BCAS3: variants seen among roughly 807,000 people sequenced by gnomAD.
The protein encoded by BCAS3 is BCAS4/BCAS3 fusion.
BCAS3 carries 53 observed loss-of-function variants against 116.1 expected under a neutral mutation model. That is an observed-to-expected ratio of 0.46 (90% CI 0.37 to 0.57). BCAS3 has a LOEUF of 0.57. Ranked by LOEUF, BCAS3 falls within the 20% of genes least tolerant of loss-of-function variation. BCAS3 has a pLI of 0.00. For missense variants in BCAS3, 917 were observed against 1,165.4 expected, an observed-to-expected ratio of 0.79 and a Z score of 3.10; for synonymous variants, 391 against 408.2, an observed-to-expected ratio of 0.96 and a Z score of 0.51.
intron 6 of BCAS3, among the ~76,000 whole-genome samples, chr17:60,771,883 G>A (rs1220387587): frequency 1.2e-4 from 19 of 152,144 alleles, no homozygotes; most frequent in Admixed American, 8.5e-4. Context: ...AAGGACATGA[G>A]CTCATCCTTT....
At chr17:60,982,570 G>A (rs1172743585) in intron 14 of BCAS3, among the ~76,000 whole-genome samples, 1 of 152,108 alleles carries the variant, frequency 6.6e-6, no homozygotes, top group African/African-American at 2.4e-5. Context: ...CTTAAGGGAA[G>A]ACTTTCTTTA....
At chr17:60,758,493 G>A (rs1479954150) in intron 6 of BCAS3, among the ~76,000 whole-genome samples, 1 of 152,052 alleles carries the variant, frequency 6.6e-6, no homozygotes, top group East Asian at 1.9e-4. Context: ...CAGTTCTTCT[G>A]CCTCAGCCTC....
chr17:61,230,092 T>C (rs2082581787), intron 22 of BCAS3, among the ~76,000 whole-genome samples: 1 of 151,866 alleles, frequency 6.6e-6, no homozygotes, highest in Admixed American at 6.6e-5. Flanking sequence ...GCCACTGCAC[T>C]CCAGCCTGGG....
At chr17:61,121,076 G>A (rs779344681) in intron 22 of BCAS3, among the ~76,000 whole-genome samples, 1 of 151,654 alleles carries the variant, frequency 6.6e-6, no homozygotes, top group Non-Finnish European at 1.5e-5. Context: ...TTATATTTTA[G>A]CAAAAATATT....
In BCAS3 at chr17:61,214,368, A is replaced by AAAATAAATAAAT. The variant is rs35597487; in HGVS notation, c.2425+129822_2425+129833dup. 1.2e-3 allele frequency among the ~76,000 whole-genome samples: 182 copies of AAAATAAATAAAT among 150,176 alleles called. No homozygotes were observed. Among genetic ancestry groups the AAAATAAATAAAT allele is most frequent in the African/African-American group, 3.7e-3 (147 of 40,088 alleles). ...GGCCACAGAGCAAGACCCTATCTCA[A>AAAATAAATAAAT]AAATAAATAAATAAATAAATAAATA... On this transcript the variant is annotated intron_variant, in intron 22 of 23. Transcript: ENST00000407086. The surrounding 1 kb of genome is among the most constrained non-coding windows in gnomAD (Gnocchi z 4.4).
At chr17:61,127,797 T>G (rs2076123554) in intron 22 of BCAS3, among the ~76,000 whole-genome samples, 2 of 150,516 alleles carry the variant, frequency 1.3e-5, no homozygotes, top group South Asian at 2.1e-4. Flanking sequence ...TTTCTGTTTT[T>G]GGGGGAGTGG....
intron 22 of BCAS3, among the ~76,000 whole-genome samples, chr17:61,152,814 T>C (rs1233712795): frequency 6.6e-6 from 1 of 152,156 alleles, no homozygotes; most frequent in Non-Finnish European, 1.5e-5. Context: ...CACAAATCAG[T>C]GAAAGATGTG....
At chr17:60,928,419 T>C (rs1261639056) in intron 13 of BCAS3, among the ~76,000 whole-genome samples, 1 of 152,222 alleles carries the variant, frequency 6.6e-6, no homozygotes, top group Non-Finnish European at 1.5e-5. Flanking sequence ...TATAGTGGAC[T>C]CATTAGTTTG....
Position 61,256,232 on chromosome 17 carries a change from G to T in BCAS3, c.2426-112095G>T, listed in dbSNP as rs2048762987. On this transcript the variant is annotated intron_variant, in intron 22 of 23. Coordinates refer to ENST00000407086, the MANE Select transcript of BCAS3 (RefSeq NM_017679.5). This position sits in a 1 kb window ranked among gnomAD's most constrained non-coding sequence, Gnocchi z 5.6. ...GGGTTGTCAAGCCTTCCATCTTCAA[G>T]CCAAGAGGTAGTTTGGTTTTTGTTT... 6.6e-6 allele frequency among the ~76,000 whole-genome samples: 1 copy of T among 151,960 alleles called. No homozygotes were observed. Among genetic ancestry groups the T allele is most frequent in the Non-Finnish European group, 1.5e-5 (1 of 67,984 alleles).
intron 13 of BCAS3, among the ~76,000 whole-genome samples, chr17:60,930,719 A>G (rs2059601895): frequency 6.6e-6 from 1 of 152,114 alleles, no homozygotes; most frequent in Non-Finnish European, 1.5e-5. Context: ...CAGCCTCCCA[A>G]AGTGTTGGGA....
chr17:60,684,171 G>A, intron 3 of BCAS3, 135 bp downstream of exon 3: 1 of 733,736 alleles, frequency 1.4e-6, no homozygotes, highest in Non-Finnish European at 2.3e-6. Flanking sequence ...CATTCGTAGG[G>A]TGGGACTACA....
chr17:61,351,165 T>C (rs1156661890), intron 22 of BCAS3, among the ~76,000 whole-genome samples: 2 of 152,224 alleles, frequency 1.3e-5, no homozygotes, highest in African/African-American at 2.4e-5. Context: ...CTTAGATATC[T>C]TTGAGACATC....
At chr17:60,965,981 A>G (rs1338640315) in intron 14 of BCAS3, among the ~76,000 whole-genome samples, 1 of 152,138 alleles carries the variant, frequency 6.6e-6, no homozygotes, top group African/African-American at 2.4e-5. Context: ...TTTTAGATCT[A>G]TTAATATTTT....
Position 61,032,176 on chromosome 17 carries a change from G to A in BCAS3, c.1638-2490G>A, listed in dbSNP as rs2066693416. Among the ~76,000 whole-genome samples the A allele has an allele frequency of 6.6e-6, 1 of 152,062 alleles. No individual in the cohort carries two copies. Among genetic ancestry groups the A allele is most frequent in the African/African-American group, 2.4e-5 (1 of 41,396 alleles). On this transcript the variant is annotated intron_variant, in intron 16 of 23. Transcript: ENST00000407086. The surrounding 1 kb of genome is among the most constrained non-coding windows in gnomAD (Gnocchi z 4.6). The stretch of plus-strand genomic sequence containing the variant: ...CTGTTTAGGATGCATACTTCAGAGG[G>A]ACCATATTTTCTCTTAAGAAGAGGC...
intron 6 of BCAS3, among the ~76,000 whole-genome samples, chr17:60,807,553 G>A (rs962114403): frequency 6.6e-5 from 10 of 152,042 alleles, no homozygotes; most frequent in Admixed American, 6.6e-4. Context: ...AGGTTGAGGC[G>A]GGTGGATCAC....
At chr17:60,893,463 A>G (rs2057308460) in intron 10 of BCAS3, among the ~76,000 whole-genome samples, 1 of 152,058 alleles carries the variant, frequency 6.6e-6, no homozygotes, top group Non-Finnish European at 1.5e-5. Flanking sequence ...ATGACTAGCC[A>G]ATTTTCCCAG....
rs1054340814 is a variant in BCAS3 at position 61,244,578 on chromosome 17, T to A, written c.2426-123749T>A. ...AGTCTATATTTTTAAAAATTGGATATATAGGCCCGGCGCGGTGGCTCATGC... is the reference window on the plus strand; with the variant it reads ...AGTCTATATTTTTAAAAATTGGATAAATAGGCCCGGCGCGGTGGCTCATGC... On this transcript the variant is annotated intron_variant, in intron 22 of 23. Coordinates refer to ENST00000407086, the MANE Select transcript of BCAS3 (RefSeq NM_017679.5). This position sits in a 1 kb window ranked among gnomAD's most constrained non-coding sequence, Gnocchi z 4.9. Among the ~76,000 whole-genome samples the A allele has an allele frequency of 6.6e-6, 1 of 152,224 alleles. No homozygotes were observed. Among genetic ancestry groups the A allele is most frequent in the African/African-American group, 2.4e-5 (1 of 41,472 alleles).
At chr17:60,974,983 T>G (rs2062210101) in intron 14 of BCAS3, among the ~76,000 whole-genome samples, 6 of 137,798 alleles carry the variant, frequency 4.4e-5, no homozygotes, top group African/African-American at 1.4e-4. Context: ...GTTTTTTTTG[T>G]TTTTTTTGCT....
intron 22 of BCAS3, among the ~76,000 whole-genome samples, chr17:61,345,752 G>A (rs563566456): frequency 1.3e-5 from 2 of 152,112 alleles, no homozygotes; most frequent in Non-Finnish European, 2.9e-5. Context: ...CCCCAAACAC[G>A]GGGATGGGCA....
Sources: gnomAD v4.1 joint callset for allele counts (sites outside exome capture counted in the v4.1 genomes callset) on GRCh38, gnomAD v4.1.1 for gene constraint, Gnocchi (gnomAD v3.1) non-coding constraint, MANE v1.5 for transcripts, NCBI Gene and HGNC (gene_info 2026-07-23, HGNC 2026-07-21) for gene names.